The following SPIRE1 variants were observed in gnomAD, a reference collection of about 807,000 sequenced individuals.
SPIRE1 encodes spire type actin nucleation factor 1, also known as protein spire homolog 1.
In SPIRE1, 40 loss-of-function variants were observed where a neutral mutation model predicts 94.1. That is an observed-to-expected ratio of 0.43 (90% CI 0.33 to 0.55). SPIRE1 has a LOEUF of 0.55. SPIRE1 is among the 20% of genes least tolerant of loss of function. The pLI, the probability that SPIRE1 is intolerant of heterozygous loss-of-function variation, is 0.06. For missense variants in SPIRE1, 838 were observed against 975.2 expected, an observed-to-expected ratio of 0.86 and a Z score of 1.87; for synonymous variants, 376 against 371.7, an observed-to-expected ratio of 1.01 and a Z score of -0.13.
chr18:12,533,701 C>A (rs188718680), intron 4 of SPIRE1, among the ~76,000 whole-genome samples: 14 of 152,244 alleles, frequency 9.2e-5, no homozygotes, highest in African/African-American at 1.9e-4. Flanking sequence ...ATGAACCAGG[C>A]ACTGTGCTTT....
chr18:12,629,462 T>C (rs7237732), intron 2 of SPIRE1, among the ~76,000 whole-genome samples: 85,098 of 152,052 alleles, frequency 0.56, 24,991 homozygotes, highest in Middle Eastern at 0.76. Context: ...GGCAAGCGCC[T>C]ACGAGTACAG....
intron 2 of SPIRE1, among the ~76,000 whole-genome samples, chr18:12,560,303 A>G (rs930070721): frequency 1.3e-5 from 2 of 152,218 alleles, no homozygotes; most frequent in African/African-American, 2.4e-5. Flanking sequence ...CTGCAGCACT[A>G]TTTACAATAG....
chr18:12,568,680 C>T (rs911020608), intron 2 of SPIRE1, among the ~76,000 whole-genome samples: 1 of 152,218 alleles, frequency 6.6e-6, no homozygotes, highest in Non-Finnish European at 1.5e-5. Context: ...GACTAAGCTC[C>T]TTGAAGGCAA....
chr18:12,551,017 A>C (rs2035333310), intron 2 of SPIRE1, among the ~76,000 whole-genome samples: 1 of 152,232 alleles, frequency 6.6e-6, no homozygotes. Context: ...CTATGAATAC[A>C]ATATGTATTC....
At chr18:12,508,526 C>T (rs182761953) in intron 5 of SPIRE1, among the ~76,000 whole-genome samples, 29 of 152,334 alleles carry the variant, frequency 1.9e-4, no homozygotes, top group Middle Eastern at 3.4e-3. Flanking sequence ...CCAACTTCCA[C>T]ATTTCTCTTA....
upstream of SPIRE1, among the ~76,000 whole-genome samples, chr18:12,660,888 A>ATTT (rs2038683474): frequency 6.6e-6 from 1 of 152,266 alleles, no homozygotes; most frequent in Non-Finnish European, 1.5e-5. Flanking sequence ...TCTACACAAA[A>ATTT]TAAAGGAAAA....
At position 12,493,073 on chromosome 18, in the gene SPIRE1, T is replaced by C. The variant is rs2033298694; in HGVS notation, c.1188A>G (p.Leu396=). Residue 396 remains leucine, a splice_region_variant and synonymous_variant, in exon 8 of 17, where the codon TTA becomes TTG. Transcript: ENST00000409402. ...GAGTACAGGAAGCAGTGGACTCACC[T>C]AATCTGCTACGTCTAATCTCCTCTG... ...VSPEEIRRSR[L]AMRPLSMSYS... 1.2e-6 allele frequency: 2 copies of C among 1,609,978 alleles called. No homozygotes were observed. The highest frequency in any genetic ancestry group is 2.7e-5 in the African/African-American group (2 of 74,694).
chr18:12,540,503 G>A (rs146629786), intron 3 of SPIRE1, among the ~76,000 whole-genome samples: 29 of 152,244 alleles, frequency 1.9e-4, no homozygotes, highest in African/African-American at 7.0e-4. Context: ...AGCCTCCCAA[G>A]TAGCTGGGAT....
intron 2 of SPIRE1, among the ~76,000 whole-genome samples, chr18:12,603,438 G>T (rs1168047457): frequency 6.6e-6 from 1 of 152,056 alleles, no homozygotes; most frequent in East Asian, 1.9e-4. Context: ...ATGATTGAAG[G>T]CTGGGCCACC....
At chr18:12,499,393 A>T (rs953008820) in intron 6 of SPIRE1, among the ~76,000 whole-genome samples, 1 of 152,152 alleles carries the variant, frequency 6.6e-6, no homozygotes, top group Non-Finnish European at 1.5e-5. Context: ...TCTTTGTTGT[A>T]AGTTGTAAAA....
intron 2 of SPIRE1, among the ~76,000 whole-genome samples, chr18:12,573,243 AC>A (rs1295659636): frequency 3.3e-5 from 5 of 152,234 alleles, no homozygotes; most frequent in African/African-American, 1.2e-4. Context: ...AACATTCTCT[AC>A]ATCATATGCC....
chr18:12,624,103 A>G lies in SPIRE1; in HGVS notation c.372+10959T>C, dbSNP rs572918566. 2.6e-3 allele frequency among the ~76,000 whole-genome samples: 371 copies of G among 143,234 alleles called. 3 individuals carry two copies. Among genetic ancestry groups the G allele is most frequent in the African/African-American group, 9.4e-3 (359 of 38,388 alleles). 94.0% of individuals were successfully genotyped at this position (143,234 alleles called of 152,430 possible). ...CACACCCAACTAATTTTGTATTTTT[A>G]GTAGAGACGGAGTTTCGCCATGTTG... On this transcript the variant is annotated intron_variant, in intron 2 of 16. Transcript: ENST00000409402.
At chr18:12,471,334 T>C (rs2032350514) in intron 10 of SPIRE1, among the ~76,000 whole-genome samples, 1 of 151,914 alleles carries the variant, frequency 6.6e-6, no homozygotes, top group Non-Finnish European at 1.5e-5. Flanking sequence ...GTAATGATGC[T>C]GGACAAAATT....
At chr18:12,539,277 A>G (rs960849797) in intron 3 of SPIRE1, among the ~76,000 whole-genome samples, 1 of 152,120 alleles carries the variant, frequency 6.6e-6, no homozygotes, top group African/African-American at 2.4e-5. Flanking sequence ...TGTTCTCATG[A>G]CAGTGAGTAA....
intron 2 of SPIRE1, among the ~76,000 whole-genome samples, chr18:12,621,332 T>C (rs75423606): frequency 0.014 from 2,188 of 152,276 alleles, 31 homozygotes; most frequent in Middle Eastern, 0.044. Flanking sequence ...AAAGTTAAAA[T>C]ATAGAGTTAC....
At chr18:12,637,672 A>G (rs563049823) in intron 1 of SPIRE1, among the ~76,000 whole-genome samples, 1 of 152,306 alleles carries the variant, frequency 6.6e-6, no homozygotes, top group African/African-American at 2.4e-5. Flanking sequence ...CTGCTCATCA[A>G]AAGTGGGAGA....
intron 4 of SPIRE1, among the ~76,000 whole-genome samples, chr18:12,525,798 G>C (rs1457704633): frequency 1.3e-5 from 2 of 151,970 alleles, no homozygotes; most frequent in Admixed American, 6.6e-5. Context: ...GAAACCTGAA[G>C]AACTAAAGAC....
At chr18:12,512,294 G>A (rs1391424413) in intron 5 of SPIRE1, among the ~76,000 whole-genome samples, 160 bp downstream of exon 5, 10 of 152,032 alleles carry the variant, frequency 6.6e-5, no homozygotes, top group Non-Finnish European at 1.2e-4. Context: ...AACCCAGGAG[G>A]CGGGGGTTGC....
At chr18:12,563,676 A>C (rs1207588559) in intron 2 of SPIRE1, among the ~76,000 whole-genome samples, 1 of 152,234 alleles carries the variant, frequency 6.6e-6, no homozygotes, top group Non-Finnish European at 1.5e-5. Context: ...AATTGTATCT[A>C]TAATCCCTTA....
Sources: gnomAD v4.1 joint callset for allele counts (sites outside exome capture counted in the v4.1 genomes callset) on GRCh38, gnomAD v4.1.1 for gene constraint, MANE v1.5 for transcripts, NCBI Gene and HGNC (gene_info 2026-07-23, HGNC 2026-07-21) for gene names.